The following MROH9 variants were observed in gnomAD, a reference collection of about 807,000 sequenced individuals.
The protein encoded by MROH9 is maestro heat like repeat family member 9, also known as maestro heat-like repeat-containing protein family member 9.
In MROH9, 92 loss-of-function variants were observed where a neutral mutation model predicts 98.2. That is an observed-to-expected ratio of 0.94 (90% CI 0.79 to 1.11). The LOEUF (loss-of-function observed/expected upper bound fraction) is 1.11. Ranked by LOEUF, MROH9 falls within the 50% of genes most tolerant of loss-of-function variation. The pLI is 0.00. For synonymous variants in MROH9, 397 were observed against 368.9 expected (o/e 1.08, Z -0.87); for missense variants, 1,057 against 1,014.8 (o/e 1.04, Z -0.57).
chr1:170,936,978 T>A (rs1256512638), intron 1 of MROH9, among the ~76,000 whole-genome samples: 5 of 152,340 alleles, frequency 3.3e-5, no homozygotes, highest in Middle Eastern at 6.8e-3. Context: ...AAAACATGTT[T>A]TATGACTTGA....
chr1:171,028,438 T>C (rs929991243), intron 20 of MROH9, among the ~76,000 whole-genome samples: 5 of 152,182 alleles, frequency 3.3e-5, no homozygotes, highest in African/African-American at 1.2e-4. Flanking sequence ...AGCCTTGTGG[T>C]ATAGTTTGAA....
At chr1:171,056,766 T>A (rs1352466781) in intron 20 of MROH9, among the ~76,000 whole-genome samples, 3 of 152,278 alleles carry the variant, frequency 2.0e-5, no homozygotes, top group Middle Eastern at 6.8e-3. Context: ...CAGGCACCCA[T>A]CTTTGCTGTT....
Position 171,028,399 on chromosome 1 carries a change from T to C in MROH9, c.2281+2979T>C, listed in dbSNP as rs1449457048. 2.0e-5 allele frequency among the ~76,000 whole-genome samples: 3 copies of C among 152,244 alleles called. No homozygotes were observed. In the East Asian group the frequency reaches 5.8e-4, roughly 29 times the overall value. On this transcript the variant is annotated intron_variant, in intron 20 of 21. Coordinates refer to ENST00000367759, the MANE Select transcript of MROH9 (RefSeq NM_001163629.2). ...CCATTTGTCTATGTATCTGCTTTGG[T>C]ACCAGTACCATGTTGTTTTGATTAC...
At chr1:170,965,584 G>A (rs1315684270) in intron 7 of MROH9, among the ~76,000 whole-genome samples, 3 of 151,984 alleles carry the variant, frequency 2.0e-5, no homozygotes, top group Non-Finnish European at 4.4e-5. Context: ...TTCTTCTTAT[G>A]TATTACTTCC....
At chr1:171,048,659 C>T (rs908596003) in intron 20 of MROH9, among the ~76,000 whole-genome samples, 3 of 152,148 alleles carry the variant, frequency 2.0e-5, no homozygotes, top group Non-Finnish European at 2.9e-5. Flanking sequence ...GTGCTGGGAT[C>T]TAAGGTGCAA....
intron 2 of MROH9, among the ~76,000 whole-genome samples, chr1:170,945,953 C>T (rs1245819941): frequency 6.6e-6 from 1 of 151,884 alleles, no homozygotes; most frequent in Admixed American, 6.6e-5. Flanking sequence ...ATTGATAATA[C>T]TACATATCAA....
chr1:170,989,526 TTTTC>T lies in MROH9; in HGVS notation c.880-325_880-322del, dbSNP rs1043622318. ...TTGTTATTCTGTTCCATTATTTTGA[TTTTC>T]TTTAAGTACTTGAATTATATGTATG... On this transcript the variant is annotated intron_variant, in intron 10 of 21. Transcript: ENST00000367759. Among the ~76,000 whole-genome samples the T allele has an allele frequency of 1.0e-3, 159 of 152,356 alleles. 1 individual carries two copies. Among genetic ancestry groups the T allele is most frequent in the African/African-American group, 3.6e-3 (151 of 41,588 alleles).
rs1272585708 is a variant in MROH9, at chr1:170,952,868, C to A, written c.72+5295C>A. On this transcript the variant is annotated intron_variant, in intron 3 of 21. Coordinates refer to ENST00000367759, the MANE Select transcript of MROH9 (RefSeq NM_001163629.2). Reference sequence around the variant, plus strand: ...AGCTTTTGACTTCAACAGAGGTAGGCAATGCCAACACATCAAATTATAGCA... The same window carrying A: ...AGCTTTTGACTTCAACAGAGGTAGGAAATGCCAACACATCAAATTATAGCA... Among the ~76,000 whole-genome samples, 3 of 151,984 alleles carry A rather than the reference C, an allele frequency of 2.0e-5. No homozygotes were observed. The East Asian group carries it at 5.8e-4, about 29-fold the overall frequency.
chr1:171,053,655 G>C (rs1362995834), intron 20 of MROH9, among the ~76,000 whole-genome samples: 1 of 152,074 alleles, frequency 6.6e-6, no homozygotes, highest in South Asian at 2.1e-4. Context: ...CATTGTTGCA[G>C]TTATTAGATA....
intron 15 of MROH9, among the ~76,000 whole-genome samples, chr1:171,013,545 G>C (rs1173984192): frequency 1.3e-5 from 2 of 152,160 alleles, no homozygotes; most frequent in African/African-American, 2.4e-5. Flanking sequence ...GGGGACTGCT[G>C]CTGTAGATGC....
chr1:171,056,666 A>G (rs1277995927), intron 20 of MROH9, among the ~76,000 whole-genome samples: 1 of 152,090 alleles, frequency 6.6e-6, no homozygotes, highest in Non-Finnish European at 1.5e-5. Context: ...TCCCCATGCC[A>G]CCCAACTGGG....
intron 5 of MROH9, among the ~76,000 whole-genome samples, chr1:170,960,442 G>A (rs1375479510): frequency 6.6e-6 from 1 of 152,046 alleles, no homozygotes; most frequent in Non-Finnish European, 1.5e-5. Context: ...TTGTTATATA[G>A]CATTTCATCA....
In MROH9 at chr1:170,937,615, G is replaced by A. The variant is rs573845730; in HGVS notation, c.-38+2028G>A. Among the ~76,000 whole-genome samples the A allele has an allele frequency of 1.9e-3, 275 of 145,708 alleles. 1 individual carries two copies. The highest frequency in any genetic ancestry group is 6.5e-3 in the African/African-American group (254 of 39,220). On this transcript the variant is annotated intron_variant, in intron 1 of 21. Transcript: ENST00000367759. ...CGGCTCACTGCAAGCTCCGCCTCCC[G>A]GGTTCACGCCATTCTCCTGCCTCAG...
intron 1 of MROH9, among the ~76,000 whole-genome samples, chr1:170,935,982 C>CAAAAAAAAAAAAAAAAAA (rs59883013): frequency 3.2e-5 from 2 of 62,264 alleles, no homozygotes; most frequent in Non-Finnish European, 6.2e-5. Context: ...CAGAGTGAGA[C>CAAAAAAAAAAAAAAAAAA]AAAAAAAAAA....
At chr1:171,038,430 A>T (rs1653180439) in intron 20 of MROH9, among the ~76,000 whole-genome samples, 1 of 152,206 alleles carries the variant, frequency 6.6e-6, no homozygotes, top group South Asian at 2.1e-4. Flanking sequence ...TTTCTCTAAG[A>T]AGAACAATTT....
intron 3 of MROH9, among the ~76,000 whole-genome samples, chr1:170,950,264 T>C (rs935250108): frequency 6.6e-6 from 1 of 152,068 alleles, no homozygotes; most frequent in Admixed American, 6.6e-5. Context: ...AAGTTGAAGA[T>C]TTTAAATAAA....
intron 17 of MROH9, 36 bp from the exon 18 acceptor site, chr1:171,024,359 A>T (rs1319950359): frequency 6.5e-7 from 1 of 1,538,802 alleles, no homozygotes; most frequent in South Asian, 1.2e-5. Flanking sequence ...AAAAAGCCCT[A>T]ATATTATCCT....
intron 20 of MROH9, among the ~76,000 whole-genome samples, chr1:171,058,443 A>G (rs183495038): frequency 9.3e-4 from 142 of 152,292 alleles, no homozygotes; most frequent in Non-Finnish European, 1.8e-3. Context: ...TATAGATTCA[A>G]TGTTATTCCC....
chr1:171,044,117 T>C (rs945267797), intron 20 of MROH9, among the ~76,000 whole-genome samples: 9 of 152,240 alleles, frequency 5.9e-5, no homozygotes, highest in African/African-American at 1.4e-4. Context: ...TCATATATGG[T>C]TTTTATTATG....
Sources: gnomAD v4.1 joint callset for allele counts (sites outside exome capture counted in the v4.1 genomes callset) on GRCh38, gnomAD v4.1.1 for gene constraint, MANE v1.5 for transcripts, NCBI Gene and HGNC (gene_info 2026-07-23, HGNC 2026-07-21) for gene names.